Variants in PLD1 observed in about 807,000 individuals in gnomAD.
PLD1 encodes choline phosphatase 1.
PLD1 carries 112 observed loss-of-function variants against 137.1 expected under a neutral mutation model. The observed-to-expected ratio is 0.82, with a 90% CI of 0.70 to 0.96. The LOEUF is 0.96. PLD1 is among the 40% of genes least tolerant of loss of function. The pLI is 0.00. For synonymous variants in PLD1, 431 were observed against 454.7 expected (o/e 0.95, Z 0.66); for missense variants, 1,321 against 1,342.0 (o/e 0.98, Z 0.24).
intron 9 of PLD1, among the ~76,000 whole-genome samples, chr3:171,713,382 A>T (rs1284706091): frequency 6.6e-6 from 1 of 152,142 alleles, no homozygotes; most frequent in Non-Finnish European, 1.5e-5. Flanking sequence ...AATCGCTTGA[A>T]CCTGAAAGAT....
intron 8 of PLD1, among the ~76,000 whole-genome samples, chr3:171,720,955 AC>A (rs1718084922): frequency 1.3e-5 from 2 of 152,122 alleles, no homozygotes; most frequent in Admixed American, 1.3e-4. Flanking sequence ...AGCTAAAGTC[AC>A]CCTCTGCAAT....
At chr3:171,743,060 A>G (rs926265743) in intron 1 of PLD1, among the ~76,000 whole-genome samples, 1 of 152,152 alleles carries the variant, frequency 6.6e-6, no homozygotes, top group African/African-American at 2.4e-5. Context: ...GAATTGTTCT[A>G]TCCTTACTAT....
chr3:171,670,333 A>G (rs868410826), intron 19 of PLD1, among the ~76,000 whole-genome samples: 1 of 152,232 alleles, frequency 6.6e-6, no homozygotes, highest in South Asian at 2.1e-4. Flanking sequence ...ATGACACTCC[A>G]AATACCCTGA....
At chr3:171,712,710 T>A (rs1717362144) in intron 9 of PLD1, among the ~76,000 whole-genome samples, 1 of 152,056 alleles carries the variant, frequency 6.6e-6, no homozygotes, top group Non-Finnish European at 1.5e-5. Context: ...CATTTGGCAA[T>A]GACATACGGG....
At position 171,626,775 on chromosome 3, in the gene PLD1, T is replaced by C. The variant is rs547983294; in HGVS notation, c.2594-6255A>G. 4.5e-4 allele frequency among the ~76,000 whole-genome samples: 67 copies of C among 149,154 alleles called. 2 individuals are homozygous for C. In the East Asian group the frequency reaches 0.013, roughly 28 times the overall value. Reference sequence around the variant, plus strand: ...CTAAGCTTCATAAGTGAAGGAAAAATAAAATACTTTACAGACAAGCAAATG... The same window carrying C: ...CTAAGCTTCATAAGTGAAGGAAAAACAAAATACTTTACAGACAAGCAAATG... On this transcript the variant is annotated intron_variant, in intron 23 of 26. Transcript: ENST00000351298.
intron 1 of PLD1, among the ~76,000 whole-genome samples, chr3:171,782,511 C>A (rs951053831): frequency 1.3e-5 from 2 of 152,082 alleles, no homozygotes; most frequent in African/African-American, 4.8e-5. Flanking sequence ...TAAAATGTAT[C>A]CAAAACATAA....
rs192380271 is a variant in PLD1 at position 171,625,598 on chromosome 3, C to G, written c.2594-5078G>C. Among the ~76,000 whole-genome samples the G allele has an allele frequency of 6.2e-4, 94 of 152,302 alleles. 1 individual carries two copies. Among genetic ancestry groups the G allele is most frequent in the East Asian group, 1.9e-4 (1 of 5,180 alleles). Reference sequence around the variant, plus strand: ...CCCTGAGAAGCTAACTGGGAGGCACCCCCCCGTAGGTGCAGACTGACACCT... The same window carrying G: ...CCCTGAGAAGCTAACTGGGAGGCACGCCCCCGTAGGTGCAGACTGACACCT... On this transcript the variant is annotated intron_variant, in intron 23 of 26. Transcript: ENST00000351298.
chr3:171,743,067 C>T (rs1228167743), intron 1 of PLD1, among the ~76,000 whole-genome samples: 2 of 152,162 alleles, frequency 1.3e-5, no homozygotes, highest in African/African-American at 4.8e-5. Flanking sequence ...TCTATCCTTA[C>T]TATGAGTGTA....
At chr3:171,682,140 GA>G (rs1714045999) in intron 16 of PLD1, among the ~76,000 whole-genome samples, 2 of 100,166 alleles carry the variant, frequency 2.0e-5, no homozygotes, top group Non-Finnish European at 4.1e-5. Context: ...AAGAAAGAAA[GA>G]AAGAAAGAAA....
In PLD1 at chr3:171,603,294, C is replaced by T. The variant is rs374352618; in HGVS notation, c.3009G>A (p.Arg1003=). 103 of 1,612,878 alleles carry T rather than the reference C, an allele frequency of 6.4e-5. No homozygotes were observed. The African/African-American group carries it at 1.3e-3, about 20-fold the overall frequency. The change falls in exon 27 of 27, where the codon CGG becomes CGA. Residue 1003 remains arginine, a synonymous_variant. Coordinates refer to ENST00000351298, the MANE Select transcript of PLD1 (RefSeq NM_002662.5). ...RNATIYDKVF[R]CLPNDEVHNL... ...TGTGTACTTCATCATTGGGAAGGCA[C>T]CGGAAAACCTGATTAGAGCATAAAT...
intron 1 of PLD1, among the ~76,000 whole-genome samples, chr3:171,794,261 ATTAG>A (rs1178172589): frequency 6.6e-6 from 1 of 152,100 alleles, no homozygotes; most frequent in South Asian, 2.1e-4. Flanking sequence ...CTATTTTGTT[ATTAG>A]TTATTGTTAA....
chr3:171,735,881 T>C (rs1198378567), intron 3 of PLD1, among the ~76,000 whole-genome samples: 3 of 152,228 alleles, frequency 2.0e-5, no homozygotes, highest in Non-Finnish European at 4.4e-5. Context: ...CTACAAACGC[T>C]GTTCCTCCAA....
chr3:171,731,869 G>A (rs1329840284), intron 6 of PLD1, among the ~76,000 whole-genome samples: 1 of 152,074 alleles, frequency 6.6e-6, no homozygotes, highest in Non-Finnish European at 1.5e-5. Context: ...GGTCACTCTG[G>A]GATTTCTAAA....
At chr3:171,659,324 T>C (rs767164726) in intron 20 of PLD1, 23 bp from the exon 21 acceptor site, 2 of 1,433,948 alleles carry the variant, frequency 1.4e-6, no homozygotes, top group Non-Finnish European at 9.8e-7. Context: ...AACAAGACAA[T>C]CATGTTAGTC....
At chr3:171,790,815 A>T (rs913685293) in intron 1 of PLD1, among the ~76,000 whole-genome samples, 1 of 152,178 alleles carries the variant, frequency 6.6e-6, no homozygotes. Flanking sequence ...CTCCCAACGG[A>T]CTACTTCTGG....
intron 1 of PLD1, among the ~76,000 whole-genome samples, chr3:171,758,916 C>T (rs113911850): frequency 6.6e-6 from 1 of 152,176 alleles, no homozygotes; most frequent in Non-Finnish European, 1.5e-5. Context: ...TCTTTAGAAG[C>T]ATGTATCATG....
chr3:171,618,602 C>A (rs1346427505), intron 24 of PLD1, among the ~76,000 whole-genome samples: 1 of 152,078 alleles, frequency 6.6e-6, no homozygotes, highest in Non-Finnish European at 1.5e-5. Context: ...TAAATGAAAT[C>A]TTGAGTATTA....
At chr3:171,772,062 A>G (rs1722385151) in intron 1 of PLD1, among the ~76,000 whole-genome samples, 1 of 152,260 alleles carries the variant, frequency 6.6e-6, no homozygotes, top group African/African-American at 2.4e-5. Flanking sequence ...TTTATGTTTC[A>G]TTCTAGAAAA....
At chr3:171,616,816 A>G (rs1023215712) in intron 24 of PLD1, among the ~76,000 whole-genome samples, 1 of 152,198 alleles carries the variant, frequency 6.6e-6, no homozygotes, top group African/African-American at 2.4e-5. Flanking sequence ...GTGTCAGATA[A>G]TAAATTTGTG....
Sources: gnomAD v4.1 joint callset for allele counts (sites outside exome capture counted in the v4.1 genomes callset) on GRCh38, gnomAD v4.1.1 for gene constraint, MANE v1.5 for transcripts, NCBI Gene and HGNC (gene_info 2026-07-23, HGNC 2026-07-21) for gene names.